RTN1: variants seen among roughly 807,000 people sequenced by gnomAD.
The protein encoded by RTN1 is reticulon-1.
In RTN1, 25 loss-of-function variants were observed where a neutral mutation model predicts 65.5. The ratio of observed to expected loss-of-function variants is 0.38; its 90% CI spans 0.28 to 0.53. The LOEUF is 0.53. Among genes scored for constraint, RTN1 ranks in the 20% least tolerant of loss-of-function variants. The pLI is 0.79. For synonymous variants in RTN1, 471 were observed against 447.6 expected, an observed-to-expected ratio of 1.05 and a Z score of -0.66; for missense variants, 983 against 1,025.4, an observed-to-expected ratio of 0.96 and a Z score of 0.57.
rs138214437 is a variant in RTN1 at position 59,797,657 on chromosome 14, C to T, written c.242-51176G>A. 3.2e-3 allele frequency among the ~76,000 whole-genome samples: 492 copies of T among 152,278 alleles called. 3 individuals carry two copies. The highest frequency in any genetic ancestry group is 0.011 in the African/African-American group (459 of 41,566). On this transcript the variant is annotated intron_variant, in intron 1 of 8. Transcript: ENST00000267484. ...ATATCTGCCCTTGTGACTGGACTCA[C>T]AGTCTGAAATTCTCATTATTAGAAT...
intron 1 of RTN1, among the ~76,000 whole-genome samples, chr14:59,760,490 C>T (rs1885726797): frequency 1.3e-5 from 2 of 152,128 alleles, no homozygotes; most frequent in Non-Finnish European, 2.9e-5. Flanking sequence ...GAATGTATTA[C>T]TCTTTAAAAC....
chr14:59,623,714 T>G (rs1882317084), intron 3 of RTN1, among the ~76,000 whole-genome samples: 1 of 152,182 alleles, frequency 6.6e-6, no homozygotes, highest in African/African-American at 2.4e-5. Context: ...AACCCATCAT[T>G]GTAGTGGAAT....
chr14:59,729,405 A>G (rs1884852669), intron 2 of RTN1, among the ~76,000 whole-genome samples: 1 of 152,184 alleles, frequency 6.6e-6, no homozygotes, highest in East Asian at 1.9e-4. Flanking sequence ...GTAACTTAAA[A>G]CAACAACTAC....
intron 1 of RTN1, among the ~76,000 whole-genome samples, chr14:59,805,319 T>C (rs1004671206): frequency 7.9e-5 from 12 of 152,318 alleles, no homozygotes; most frequent in African/African-American, 2.9e-4. Context: ...TAGGGACCTT[T>C]CCTTCTTCAC....
intron 2 of RTN1, among the ~76,000 whole-genome samples, chr14:59,736,875 A>C (rs1031957758): frequency 7.9e-6 from 1 of 126,654 alleles, no homozygotes; most frequent in African/African-American, 3.2e-5. Flanking sequence ...GCAAATCAAA[A>C]CATGTGATTA....
chr14:59,707,538 C>T (rs535493902), intron 3 of RTN1, among the ~76,000 whole-genome samples: 2 of 152,254 alleles, frequency 1.3e-5, no homozygotes, highest in African/African-American at 4.8e-5. Context: ...TAGAAAAGAG[C>T]CTGGCATGCA....
At chr14:59,805,523 A>G (rs1426414137) in intron 1 of RTN1, among the ~76,000 whole-genome samples, 1 of 152,218 alleles carries the variant, frequency 6.6e-6, no homozygotes, top group African/African-American at 2.4e-5. Context: ...GCCCTTATTT[A>G]TATCAAAGAA....
At chr14:59,720,261 A>C (rs1376565975) in intron 3 of RTN1, among the ~76,000 whole-genome samples, 1 of 151,710 alleles carries the variant, frequency 6.6e-6, no homozygotes, top group African/African-American at 2.4e-5. Flanking sequence ...TTAAAAAAAA[A>C]ACATAGATCG....
intron 1 of RTN1, among the ~76,000 whole-genome samples, chr14:59,852,085 A>G (rs1887519113): frequency 6.6e-6 from 1 of 152,104 alleles, no homozygotes; most frequent in Non-Finnish European, 1.5e-5. Context: ...TTCAAACATA[A>G]TGGGCTGCAA....
chr14:59,761,755 C>T (rs528513849), intron 1 of RTN1, among the ~76,000 whole-genome samples: 53 of 152,262 alleles, frequency 3.5e-4, no homozygotes, highest in Non-Finnish European at 6.2e-4. Flanking sequence ...GTACAGCCAG[C>T]CCATACCATG....
chr14:59,828,601 T>C (rs1887074185), intron 1 of RTN1, among the ~76,000 whole-genome samples: 1 of 152,192 alleles, frequency 6.6e-6, no homozygotes. Context: ...CAAAACCAGA[T>C]GTCAGTGGTC....
intron 3 of RTN1, among the ~76,000 whole-genome samples, chr14:59,683,088 T>G (rs1883777395): frequency 6.6e-6 from 1 of 152,156 alleles, no homozygotes; most frequent in African/African-American, 2.4e-5. Context: ...ACGCATTATT[T>G]TGGTCCTATA....
chr14:59,787,849 T>A (rs1886279632), intron 1 of RTN1, among the ~76,000 whole-genome samples: 1 of 152,030 alleles, frequency 6.6e-6, no homozygotes, highest in African/African-American at 2.4e-5. Context: ...CGAGTCCCCA[T>A]CGTTCATTCT....
intron 1 of RTN1, among the ~76,000 whole-genome samples, chr14:59,819,532 C>T (rs1010971956): frequency 6.6e-6 from 1 of 150,830 alleles, no homozygotes; most frequent in African/African-American, 2.4e-5. Context: ...GCCTAGCTGG[C>T]TTCCTCTAGT....
intron 3 of RTN1, among the ~76,000 whole-genome samples, chr14:59,722,087 G>A (rs1884660274): frequency 6.6e-6 from 1 of 152,000 alleles, no homozygotes; most frequent in African/African-American, 2.4e-5. Flanking sequence ...CATTTCTATG[G>A]GATAAATTCC....
At position 59,601,881 on chromosome 14, in the gene RTN1, C is replaced by T. The variant is rs1285025944; in HGVS notation, c.2288+1184G>A. On this transcript the variant is annotated intron_variant, in intron 8 of 8. Transcript: ENST00000267484. The stretch of plus-strand genomic sequence containing the variant: ...CCAAGTCTCATACTGTGCTATGATA[C>T]CATTTCTTAATACAAAATAAAATGA... Among the ~76,000 whole-genome samples, 3 of 152,156 alleles carry T rather than the reference C, an allele frequency of 2.0e-5. No individual in the cohort carries two copies. In the East Asian group the frequency reaches 5.8e-4, roughly 29 times the overall value.
chr14:59,841,137 A>G (rs981813911), intron 1 of RTN1, among the ~76,000 whole-genome samples: 1 of 152,238 alleles, frequency 6.6e-6, no homozygotes, highest in Non-Finnish European at 1.5e-5. Context: ...ATCAGCTCTG[A>G]GTAGAATTTG....
At chr14:59,639,552 A>G (rs1242337972) in intron 3 of RTN1, among the ~76,000 whole-genome samples, 1 of 152,216 alleles carries the variant, frequency 6.6e-6, no homozygotes, top group Admixed American at 6.5e-5. Flanking sequence ...TGCACTGGCT[A>G]TGACCTCCAG....
intron 1 of RTN1, among the ~76,000 whole-genome samples, chr14:59,821,408 G>A (rs1289080079): frequency 6.6e-6 from 1 of 152,168 alleles, no homozygotes; most frequent in East Asian, 1.9e-4. Context: ...AATTCTCCCA[G>A]CCTTTGGATA....
Sources: gnomAD v4.1 joint callset for allele counts (sites outside exome capture counted in the v4.1 genomes callset) on GRCh38, gnomAD v4.1.1 for gene constraint, MANE v1.5 for transcripts, NCBI Gene and HGNC (gene_info 2026-07-23, HGNC 2026-07-21) for gene names.